The following SPAG17 variants were observed in gnomAD, a reference collection of about 807,000 sequenced individuals.
The protein encoded by SPAG17 is sperm associated antigen 17.
In SPAG17, 169 loss-of-function variants were observed where a neutral mutation model predicts 273.6. The observed-to-expected ratio is 0.62, with a 90% CI of 0.55 to 0.70. SPAG17 has a LOEUF of 0.70. SPAG17 is among the 30% of genes least tolerant of loss of function. SPAG17 has a pLI of 0.00. For synonymous variants in SPAG17, 825 were observed against 873.2 expected (o/e 0.94, Z 0.97); for missense variants, 2,557 against 2,627.8 (o/e 0.97, Z 0.59).
rs1324727862 is a variant in SPAG17 at position 118,040,716 on chromosome 1, C to T, written c.3166+14G>A. ...TATGTTTCCAATCATTAACCAGTTG[C>T]TTTCAAAATGTACCTTTTTCAAACA... On this transcript the variant is annotated intron_variant, in intron 22 of 48. Transcript: ENST00000336338. 3 of 1,516,006 alleles carry T rather than the reference C, an allele frequency of 2.0e-6. No homozygotes were observed. Among genetic ancestry groups the T allele is most frequent in the Non-Finnish European group, 2.8e-6 (3 of 1,090,316 alleles). 93.9% of individuals were successfully genotyped at this position (1,516,006 alleles called of 1,614,324 possible). A position where few individuals can be genotyped will look rare whatever the true frequency, so the allele number is the denominator to read the frequency against.
chr1:118,031,177 CTTTTTTTTTTTT>C (rs1015324627), intron 25 of SPAG17, among the ~76,000 whole-genome samples: 2 of 54,920 alleles, frequency 3.6e-5, no homozygotes, highest in Admixed American at 1.9e-4. Flanking sequence ...GAGGACTACT[CTTTTTTTTTTTT>C]TTTTTTTTTT....
intron 25 of SPAG17, 113 bp downstream of exon 25, chr1:118,031,579 T>G (rs1648473720): frequency 8.8e-6 from 10 of 1,138,804 alleles, no homozygotes; most frequent in African/African-American, 1.6e-5. Flanking sequence ...TTAATGTATC[T>G]GCACAATAAA....
intron 4 of SPAG17, among the ~76,000 whole-genome samples, chr1:118,108,458 C>G (rs1484497981): frequency 6.6e-6 from 1 of 152,162 alleles, no homozygotes; most frequent in South Asian, 2.1e-4. Context: ...AAGCTGACCC[C>G]CTAAGTTATA....
At chr1:118,134,369 A>G (rs1278489784) in intron 3 of SPAG17, among the ~76,000 whole-genome samples, 1 of 152,242 alleles carries the variant, frequency 6.6e-6, no homozygotes, top group Non-Finnish European at 1.5e-5. Context: ...AACAAGAAGT[A>G]TACATCTCTG....
intron 10 of SPAG17, among the ~76,000 whole-genome samples, chr1:118,089,453 G>C (rs1235504533): frequency 2.0e-5 from 3 of 151,744 alleles, no homozygotes; most frequent in Admixed American, 2.0e-4. Context: ...CACAGAATGT[G>C]ACTGGAAATC....
intron 42 of SPAG17, among the ~76,000 whole-genome samples, chr1:117,983,334 T>C (rs1656046056): frequency 6.6e-6 from 1 of 152,160 alleles, no homozygotes; most frequent in Non-Finnish European, 1.5e-5. Context: ...GAGATTTGGG[T>C]GGGGACAAAA....
rs1029204379 is a variant in SPAG17 at position 118,081,744 on chromosome 1, G to A, written c.1763-102C>T. ...GGGAGTCTGTCTACCAGAAAGACAA[G>A]AGAGTCACGCCACAATGGCTGTTGA... is the stretch of plus-strand genomic sequence containing the variant. On this transcript the variant is annotated intron_variant, in intron 13 of 48. Transcript: ENST00000336338. The A allele has an allele frequency of 4.2e-6, 4 of 942,084 alleles. No individual in the cohort carries two copies. The African/African-American group carries it at 4.9e-5, about 12-fold the overall frequency. The allele number at this position is 942,084 out of a possible 1,614,324, so 58.4% of individuals were successfully genotyped here. A position where few individuals can be genotyped will look rare whatever the true frequency, so the allele number is the denominator to read the frequency against.
intron 32 of SPAG17, 54 bp downstream of exon 32, chr1:118,005,360 A>T: frequency 7.0e-7 from 1 of 1,427,300 alleles, no homozygotes. Context: ...GTAGTGTGAA[A>T]TATCTCAAAA....
chr1:118,081,483 C>G lies in SPAG17; in HGVS notation c.1922G>C (p.Arg641Thr). The G allele has an allele frequency of 6.2e-7, 1 of 1,613,846 alleles. No homozygotes were observed. The highest frequency in any genetic ancestry group is 1.3e-5 in the African/African-American group (1 of 74,990). The change falls in exon 14 of 49, where the codon AGA (arginine) becomes ACA (threonine). Residue 641 changes from arginine to threonine, a missense_variant. Transcript: ENST00000336338. ...TTGCTGCCTTATCTGTTTAGCAAAT[C>G]TGGCAGGGTTGTCCCACGGTATGTT... ...MFNIPWDNPA[R>T]FAKQIRQQYV... is the part of the protein sequence containing the mutation.
intron 30 of SPAG17, among the ~76,000 whole-genome samples, chr1:118,010,280 G>A (rs893472197): frequency 1.5e-5 from 2 of 131,828 alleles, no homozygotes; most frequent in Admixed American, 7.3e-5. Context: ...GGAGGCAACC[G>A]TAACCGTGCT....
At position 117,981,325 on chromosome 1, in the gene SPAG17, A is replaced by C. The variant is rs1049917116; in HGVS notation, c.5949T>G (p.Asp1983Glu). The C allele has an allele frequency of 6.2e-7, 1 of 1,602,032 alleles. No individual in the cohort carries two copies. The highest frequency in any genetic ancestry group is 1.4e-5 in the African/African-American group (1 of 74,010). Residue 1983 changes from aspartate (D) to glutamate (E), a missense_variant, in exon 43 of 49, where the codon GAT becomes GAG. Asp to Glu is a conservative substitution (Grantham distance 45). Coordinates refer to ENST00000336338, the MANE Select transcript of SPAG17 (RefSeq NM_206996.4). ...PSLPKPEISA[D>E]KKDFTAQNQT... ...GGTTCTGAGCAGTGAAATCCTTCTT[A>C]TCTGCAGAAATCTCTGGTTTTGGAA...
intron 4 of SPAG17, among the ~76,000 whole-genome samples, chr1:118,112,594 G>T (rs1481521775): frequency 6.6e-6 from 1 of 151,992 alleles, no homozygotes; most frequent in Non-Finnish European, 1.5e-5. Context: ...TATATTTATG[G>T]AAATACAGTG....
chr1:117,978,333 C>T (rs1404331480), intron 43 of SPAG17, among the ~76,000 whole-genome samples: 2 of 152,180 alleles, frequency 1.3e-5, no homozygotes, highest in East Asian at 3.9e-4. Flanking sequence ...CTCTTCTCTC[C>T]TGTCACTATG....
At chr1:117,955,403 A>G (rs757347380) in intron 48 of SPAG17, 9 of 1,565,428 alleles carry the variant, frequency 5.7e-6, no homozygotes, top group Non-Finnish European at 7.9e-6. Context: ...GTCAGCAAAC[A>G]TTTATGAAGT....
At chr1:117,966,417 G>T in intron 47 of SPAG17, 192 bp downstream of exon 47, 1 of 482,942 alleles carries the variant, frequency 2.1e-6, no homozygotes, top group Non-Finnish European at 3.6e-6. Flanking sequence ...CATATACTAT[G>T]TGTCAGGTAT....
Position 117,987,818 on chromosome 1 carries a change from T to G in SPAG17, c.5669+16A>C, listed in dbSNP as rs1217586889. 6.2e-7 allele frequency: 1 copy of G among 1,613,572 alleles called. No individual in the cohort carries two copies. Among genetic ancestry groups the G allele is most frequent in the Non-Finnish European group, 8.5e-7 (1 of 1,179,726 alleles). On this transcript the variant is annotated intron_variant, in intron 40 of 48. Transcript: ENST00000336338. ...GGCCCTTTCAGGTCCTTATGTGCGT[T>G]TTGGGGTATAATTACCTCGTTTTGT...
Position 118,122,482 on chromosome 1 carries a change from C to T in SPAG17, c.316-7041G>A, listed in dbSNP as rs565581735. The stretch of plus-strand genomic sequence containing the variant: ...AGGCAAGTTACTTAACCCTTTTAAA[C>T]CTCATCCTTTTAACATCTACAATGG... On this transcript the variant is annotated intron_variant, in intron 3 of 48. Transcript: ENST00000336338. Among the ~76,000 whole-genome samples the T allele has an allele frequency of 1.7e-4, 26 of 152,298 alleles. No individual in the cohort carries two copies. The East Asian group carries it at 4.8e-3, about 28-fold the overall frequency.
intron 48 of SPAG17, among the ~76,000 whole-genome samples, chr1:117,954,418 A>G (rs779007859): frequency 1.3e-5 from 2 of 152,138 alleles, no homozygotes; most frequent in Non-Finnish European, 2.9e-5. Context: ...CATGAGTACT[A>G]TAGAAACTAA....
At chr1:118,081,843 A>T (rs567720466) in intron 13 of SPAG17, among the ~76,000 whole-genome samples, 8 of 152,218 alleles carry the variant, frequency 5.3e-5, no homozygotes, top group Non-Finnish European at 1.0e-4. Flanking sequence ...ACAACACAGT[A>T]AAGATAAAAT....
Sources: gnomAD v4.1 joint callset for allele counts (sites outside exome capture counted in the v4.1 genomes callset) on GRCh38, gnomAD v4.1.1 for gene constraint, MANE v1.5 for transcripts, NCBI Gene and HGNC (gene_info 2026-07-23, HGNC 2026-07-21) for gene names.